SS18L1: variants seen among roughly 807,000 people sequenced by gnomAD.
The protein encoded by SS18L1 is calcium-responsive transactivator.
A neutral mutation model predicts 70.3 loss-of-function variants in SS18L1; 32 were observed. The ratio of observed to expected loss-of-function variants is 0.46; its 90% CI spans 0.34 to 0.61. SS18L1 has a LOEUF of 0.61. Ranked by LOEUF, SS18L1 falls within the 20% of genes least tolerant of loss-of-function variation. The pLI is 0.01. For synonymous variants in SS18L1, 237 were observed against 229.7 expected (o/e 1.03, Z -0.29); for missense variants, 430 against 542.1 (o/e 0.79, Z 2.05).
At chr20:62,175,752 G>C (rs1601060260) in intron 10 of SS18L1, among the ~76,000 whole-genome samples, 1 of 152,184 alleles carries the variant, frequency 6.6e-6, no homozygotes, top group Non-Finnish European at 1.5e-5. Context: ...AATGCTTCTC[G>C]TCCTCCTTCT....
intron 9 of SS18L1, 39 bp downstream of exon 9, chr20:62,172,840 CACCCCT>C (rs753270897): frequency 1.2e-6 from 2 of 1,602,424 alleles, no homozygotes; most frequent in South Asian, 1.1e-5. Flanking sequence ...CCCCAGCGCC[CACCCCT>C]GCCCCTGCCA....
Position 62,182,025 on chromosome 20 carries a change from T to A in SS18L1, c.*2817T>A, listed in dbSNP as rs2145807680. 4.4e-6 allele frequency: 1 copy of A among 229,450 alleles called. No homozygotes were observed. The highest frequency in any genetic ancestry group is 2.2e-5 in the African/African-American group (1 of 45,246). 14.2% of individuals were successfully genotyped at this position (229,450 alleles called of 1,614,324 possible). A position where few individuals can be genotyped will look rare whatever the true frequency, so the allele number is the denominator to read the frequency against. On this transcript the variant is annotated 3_prime_UTR_variant, in exon 11 of 11. Coordinates refer to ENST00000331758, the MANE Select transcript of SS18L1 (RefSeq NM_198935.3). ...GCAAAAGCTCATCACCCATTAAGGT[T>A]TGTTGTTGAATCAACAGTACTCAGC...
In SS18L1 at chr20:62,181,943, GTGAATT is replaced by G. The variant is rs979014762; in HGVS notation, c.*2740_*2745del. The G allele has an allele frequency of 8.8e-6, 2 of 228,408 alleles. No homozygotes were observed. The highest frequency in any genetic ancestry group is 1.7e-5 in the Non-Finnish European group (2 of 115,176). The allele number at this position is 228,408 out of a possible 1,614,324, so 14.1% of individuals were successfully genotyped here. On this transcript the variant is annotated 3_prime_UTR_variant, in exon 11 of 11. Transcript: ENST00000331758. ...ATTGTTCCCTGACATCCAGCAAATT[GTGAATT>G]TGAAAAATGATGGCCAGTTTTCAGA...
In SS18L1 at chr20:62,165,416, G is replaced by A. The variant is rs536040579; in HGVS notation, c.824-6G>A. 21 of 1,606,410 alleles carry A rather than the reference G, an allele frequency of 1.3e-5. No homozygotes were observed. The highest frequency in any genetic ancestry group is 1.1e-4 in the East Asian group (5 of 44,790). On this transcript the variant is annotated splice_region_variant and splice_polypyrimidine_tract_variant and intron_variant, in intron 7 of 10. Transcript: ENST00000331758. ...CGCTGACTGTCGCCGTCTCCGTTTC[G>A]CACAGGCCATGGCGATTACGCCTAC...
intron 3 of SS18L1, among the ~76,000 whole-genome samples, chr20:62,160,553 A>C (rs891292203): frequency 5.9e-5 from 9 of 152,156 alleles, no homozygotes; most frequent in Non-Finnish European, 1.3e-4. Flanking sequence ...TGTTAGTTCA[A>C]ATATTTTATT....
Position 62,163,480 on chromosome 20 carries a change from G to A in SS18L1, c.579G>A (p.Ala193=), listed in dbSNP as rs536769035. 109 of 1,612,272 alleles carry A rather than the reference G, an allele frequency of 6.8e-5. No homozygotes were observed. The South Asian group carries it at 8.3e-4, about 12-fold the overall frequency. The change falls in exon 6 of 11, where the codon GCG becomes GCA. Residue 193 remains alanine (A), a synonymous_variant. Coordinates refer to ENST00000331758, the MANE Select transcript of SS18L1 (RefSeq NM_198935.3). ...SNPVSMMQQQ[A]ATSHYSSAQG... ...CAGTCTCCATGATGCAGCAGCAGGCGGCCACGTCGCACTACAGCTCGGCGC... is the reference window on the plus strand; with the variant it reads ...CAGTCTCCATGATGCAGCAGCAGGCAGCCACGTCGCACTACAGCTCGGCGC...
chr20:62,150,188 C>A (rs922224505), intron 1 of SS18L1, among the ~76,000 whole-genome samples: 5 of 152,266 alleles, frequency 3.3e-5, no homozygotes, highest in African/African-American at 1.2e-4. Context: ...AACCTACACA[C>A]CGACTTCACG....
Position 62,180,094 on chromosome 20 carries a change from A to C in SS18L1, c.*886A>C, listed in dbSNP as rs1054280570. On this transcript the variant is annotated 3_prime_UTR_variant, in exon 11 of 11. Coordinates refer to ENST00000331758, the MANE Select transcript of SS18L1 (RefSeq NM_198935.3). The stretch of plus-strand genomic sequence containing the variant: ...ATTTAATAAGCCCAATTCTAAGTTG[A>C]TAGGTAATTTTAAATATTCAAACCA... 6 of 209,982 alleles carry C rather than the reference A, an allele frequency of 2.9e-5. No homozygotes were observed. Among genetic ancestry groups the C allele is most frequent in the African/African-American group, 1.4e-4 (6 of 43,974 alleles). 13.0% of individuals were successfully genotyped at this position (209,982 alleles called of 1,614,324 possible). A position where few individuals can be genotyped will look rare whatever the true frequency, so the allele number is the denominator to read the frequency against.
At position 62,167,685 on chromosome 20, in the gene SS18L1, C is replaced by A. The variant is rs143828553; in HGVS notation, c.916+2171C>A. Among the ~76,000 whole-genome samples the A allele has an allele frequency of 3.7e-3, 567 of 152,344 alleles. 4 individuals carry two copies. The highest frequency in any genetic ancestry group is 0.013 in the African/African-American group (540 of 41,596). ...CATCATGGGCCTGGCCCTGTCCCTT[C>A]CAGCTGGAGCACAGGGTTCAGCCTT... On this transcript the variant is annotated intron_variant, in intron 8 of 10. Coordinates refer to ENST00000331758, the MANE Select transcript of SS18L1 (RefSeq NM_198935.3).
chr20:62,160,774 T>C (rs1043289302), intron 3 of SS18L1, among the ~76,000 whole-genome samples: 6 of 152,078 alleles, frequency 3.9e-5, no homozygotes, highest in African/African-American at 1.2e-4. Context: ...CCCACCTCCA[T>C]TGACCTGTCA....
At chr20:62,149,043 C>T (rs781698335) in intron 1 of SS18L1, among the ~76,000 whole-genome samples, 27 of 152,220 alleles carry the variant, frequency 1.8e-4, no homozygotes, top group Non-Finnish European at 2.4e-4. Flanking sequence ...CGGCCCTTTG[C>T]GCGGTCTGGG....
chr20:62,146,605 A>AT (rs10673768), intron 1 of SS18L1, among the ~76,000 whole-genome samples: 3,312 of 79,574 alleles, frequency 0.042, 441 homozygotes, highest in African/African-American at 0.15. Context: ...TGCTTTGATC[A>AT]TTTTTTTTTT....
At position 62,180,405 on chromosome 20, in the gene SS18L1, C is replaced by G. The variant is rs973343814; in HGVS notation, c.*1197C>G. 12 of 184,962 alleles carry G rather than the reference C, an allele frequency of 6.5e-5. No homozygotes were observed. Among genetic ancestry groups the G allele is most frequent in the Non-Finnish European group, 1.4e-4 (12 of 87,458 alleles). The allele number at this position is 184,962 out of a possible 1,614,324, so 11.5% of individuals were successfully genotyped here. A position where few individuals can be genotyped will look rare whatever the true frequency, so the allele number is the denominator to read the frequency against. On this transcript the variant is annotated 3_prime_UTR_variant, in exon 11 of 11. Transcript: ENST00000331758. ...GAAAAAAATCCCACATTTCAATTAA[C>G]AAGTAGCATGGACATTTGATCAACC...
chr20:62,148,422 A>C (rs1253578220), intron 1 of SS18L1, among the ~76,000 whole-genome samples: 3 of 142,974 alleles, frequency 2.1e-5, no homozygotes, highest in African/African-American at 5.3e-5. Flanking sequence ...TTGCTGTCTT[A>C]GGTCAGGTGA....
At chr20:62,166,251 C>G (rs1440757766) in intron 8 of SS18L1, among the ~76,000 whole-genome samples, 5 of 152,248 alleles carry the variant, frequency 3.3e-5, no homozygotes, top group Non-Finnish European at 5.9e-5. Flanking sequence ...GAAGGCGGGC[C>G]TGCAGTCCCT....
At chr20:62,160,659 C>T (rs1025604036) in intron 3 of SS18L1, among the ~76,000 whole-genome samples, 7 of 152,148 alleles carry the variant, frequency 4.6e-5, no homozygotes, top group Admixed American at 1.3e-4. Context: ...GACGGGGTTC[C>T]GGGACAGACA....
chr20:62,173,714 TAAAA>T (rs2057571685), intron 9 of SS18L1, among the ~76,000 whole-genome samples: 1 of 149,216 alleles, frequency 6.7e-6, no homozygotes, highest in Non-Finnish European at 1.5e-5. Flanking sequence ...CCTCAAAAAA[TAAAA>T]AAATAAATTA....
chr20:62,155,096 T>G (rs1222525678), intron 1 of SS18L1, among the ~76,000 whole-genome samples: 3 of 152,220 alleles, frequency 2.0e-5, no homozygotes, highest in African/African-American at 7.2e-5. Flanking sequence ...TAATAGGTTT[T>G]GTTGGATTTT....
chr20:62,157,393 C>A (rs553806915), intron 1 of SS18L1, among the ~76,000 whole-genome samples: 1 of 152,208 alleles, frequency 6.6e-6, no homozygotes, highest in African/African-American at 2.4e-5. Flanking sequence ...TGGGCCCAGC[C>A]CCCTGCTGCT....
Sources: allele counts gnomAD v4.1 joint callset (sites outside exome capture counted in the v4.1 genomes callset), GRCh38; gene constraint gnomAD v4.1.1; transcripts MANE v1.5; gene names NCBI Gene and HGNC (gene_info 2026-07-23, HGNC 2026-07-21).